The following MYH16 variants were observed in gnomAD, a reference collection of about 807,000 sequenced individuals.
The protein encoded by MYH16 is myosin heavy chain 16, also known as putative uncharacterized protein MYH16.
At chr7:99,277,099 G>A (rs1387603972) in intron 20 of MYH16, among the ~76,000 whole-genome samples, 1 of 152,002 alleles carries the variant, frequency 6.6e-6, no homozygotes, top group African/African-American at 2.4e-5. Flanking sequence ...GAGAGAGACA[G>A]CAAAATGAGG....
chr7:99,267,359 G>A (rs1283215055), intron 18 of MYH16, among the ~76,000 whole-genome samples: 1 of 152,158 alleles, frequency 6.6e-6, no homozygotes, highest in Non-Finnish European at 1.5e-5. Flanking sequence ...CTCCCAAGTA[G>A]CTGGGACTTA....
At chr7:99,251,668 C>T (rs957434440) in intron 6 of MYH16, among the ~76,000 whole-genome samples, 6 of 152,086 alleles carry the variant, frequency 3.9e-5, no homozygotes, top group African/African-American at 1.4e-4. Flanking sequence ...AAGAAAATCT[C>T]CATTAGCATA....
chr7:99,278,382 T>C (rs145448164), intron 21 of MYH16, among the ~76,000 whole-genome samples: 305 of 152,168 alleles, frequency 2.0e-3, no homozygotes, highest in Middle Eastern at 6.8e-3. Context: ...GGCTCTGCCA[T>C]ACAAACTTGG....
At position 99,241,168 on chromosome 7, in the gene MYH16, C is replaced by T. The variant is rs140786516; in HGVS notation, n.211-2110C>T. Among the ~76,000 whole-genome samples, 64 of 152,314 alleles carry T rather than the reference C, an allele frequency of 4.2e-4. No homozygotes were observed. The East Asian group carries it at 7.9e-3, about 19-fold the overall frequency. On this transcript the variant is annotated intron_variant and non_coding_transcript_variant, in intron 1 of 41. Coordinates refer to ENST00000439784, the Ensembl canonical transcript of MYH16. ...GGGACAGAAAAGATGGAGCCTGTGG[C>T]GCTGGCTTCCCTGGCTCCTAAAATA... is the stretch of plus-strand genomic sequence containing the variant.
chr7:99,287,946 G>A, exon 29 of MYH16: 1 of 456,566 alleles, frequency 2.2e-6, no homozygotes, highest in Non-Finnish European at 4.4e-6. Flanking sequence ...GCGGGAGCTG[G>A]AAGAGGCCGC....
At chr7:99,273,475 G>C in intron 20 of MYH16, 52 bp downstream of exon 2, 1 of 455,790 alleles carries the variant, frequency 2.2e-6, no homozygotes, top group South Asian at 1.6e-5. Context: ...TATGGGCTGG[G>C]GGAGGGCTTG....
chr7:99,244,045 C>T (rs1356957850), intron 2 of MYH16, among the ~76,000 whole-genome samples: 2 of 152,052 alleles, frequency 1.3e-5, no homozygotes, highest in East Asian at 1.9e-4. Context: ...ATCCAAACAT[C>T]GATCCATACA....
chr7:99,276,691 G>C (rs1792115992), intron 20 of MYH16, among the ~76,000 whole-genome samples: 1 of 152,252 alleles, frequency 6.6e-6, no homozygotes, highest in Non-Finnish European at 1.5e-5. Flanking sequence ...ACACAGTGCA[G>C]GAGGAGGGCA....
chr7:99,275,817 C>T (rs925471869), intron 20 of MYH16, among the ~76,000 whole-genome samples: 6 of 152,216 alleles, frequency 3.9e-5, no homozygotes, highest in Middle Eastern at 3.2e-3. Flanking sequence ...CTGCAACCTC[C>T]GCCTCCCGGA....
At chr7:99,240,630 C>T (rs1324355035) in intron 1 of MYH16, among the ~76,000 whole-genome samples, 2 of 152,098 alleles carry the variant, frequency 1.3e-5, no homozygotes, top group Non-Finnish European at 2.9e-5. Flanking sequence ...ACAGGCAGAT[C>T]GCTTGAGGCT....
At position 99,284,914 on chromosome 7, in the gene MYH16, G is replaced by A. The variant is rs150794421; in HGVS notation, n.3295G>A. On this transcript the variant is annotated non_coding_transcript_exon_variant, in exon 26 of 42. Coordinates refer to ENST00000439784, the Ensembl canonical transcript of MYH16. ...AGCAGTCTCTGAATTCCACGCTGCAGCGGAAACTGAAGGAGCACCAGGTAT... is the reference window on the plus strand; with the variant it reads ...AGCAGTCTCTGAATTCCACGCTGCAACGGAAACTGAAGGAGCACCAGGTAT... 2.2e-3 allele frequency: 1,024 copies of A among 456,730 alleles called. 11 individuals carry two copies. The highest frequency in any genetic ancestry group is 0.019 in the African/African-American group (939 of 50,206). The allele number at this position is 456,730 out of a possible 1,614,324, so 28.3% of individuals were successfully genotyped here. A position where few individuals can be genotyped will look rare whatever the true frequency, so the allele number is the denominator to read the frequency against.
At chr7:99,272,998 G>A (rs1441279483) in intron 19 of MYH16, among the ~76,000 whole-genome samples, 1 of 152,138 alleles carries the variant, frequency 6.6e-6, no homozygotes, top group South Asian at 2.1e-4. Context: ...GCAGATTCCA[G>A]CAACTTTGCA....
At chr7:99,276,923 G>A (rs913746929) in intron 20 of MYH16, among the ~76,000 whole-genome samples, 1 of 151,880 alleles carries the variant, frequency 6.6e-6, no homozygotes, top group Admixed American at 6.6e-5. Flanking sequence ...AGACAGAGAT[G>A]AGACAGAGAA....
rs576633864 is a variant in MYH16, at chr7:99,291,940, T to C, written n.3953-372T>C. ...CCTGGGTGACAAGAGTGAAACTCGG[T>C]CTCAGGAAAAAAAAAAGTTTCCAGG... On this transcript the variant is annotated intron_variant and non_coding_transcript_variant, in intron 31 of 41. Coordinates refer to ENST00000439784, the Ensembl canonical transcript of MYH16. Among the ~76,000 whole-genome samples, 41 of 151,930 alleles carry C rather than the reference T, an allele frequency of 2.7e-4. No homozygotes were observed. The South Asian group carries it at 8.5e-3, about 32-fold the overall frequency.
intron 25 of MYH16, among the ~76,000 whole-genome samples, chr7:99,284,369 T>C (rs1792247044): frequency 6.6e-6 from 1 of 152,148 alleles, no homozygotes; most frequent in East Asian, 1.9e-4. Context: ...GGCAGGAGGA[T>C]GGCTTGAGGC....
intron 5 of MYH16, among the ~76,000 whole-genome samples, chr7:99,250,570 A>G (rs189708080): frequency 3.2e-4 from 48 of 152,278 alleles, no homozygotes; most frequent in African/African-American, 1.0e-3. Flanking sequence ...GCAAGACACC[A>G]TCTCTACAAA....
chr7:99,260,695 G>C (rs1026362718), intron 12 of MYH16: 3 of 187,744 alleles, frequency 1.6e-5, no homozygotes, highest in Non-Finnish European at 2.2e-5. Context: ...GAGTGGCAGA[G>C]TCACGCTCTG....
At chr7:99,282,893 C>T (rs1289470279) in intron 23 of MYH16, among the ~76,000 whole-genome samples, 2 of 151,942 alleles carry the variant, frequency 1.3e-5, no homozygotes, top group East Asian at 3.9e-4. Context: ...TAAAAGGGTG[C>T]TGGGCTCTAG....
chr7:99,284,998 T>A (rs1792258668), intron 26 of MYH16, 63 bp downstream of exon 8: 1 of 452,604 alleles, frequency 2.2e-6, no homozygotes, highest in Admixed American at 2.4e-5. Flanking sequence ...AACGTTTTGT[T>A]CATGTCAGCT....
Sources: gnomAD v4.1 joint callset for allele counts (sites outside exome capture counted in the v4.1 genomes callset) on GRCh38, gnomAD v4.1.1 for gene constraint, MANE v1.5 for transcripts, NCBI Gene and HGNC (gene_info 2026-07-23, HGNC 2026-07-21) for gene names.